POMT2: variants seen among roughly 807,000 people sequenced by gnomAD.
POMT2 encodes the protein protein O-mannosyl-transferase 2.
POMT2 carries 75 observed loss-of-function variants against 100.0 expected under a neutral mutation model. That is an observed-to-expected ratio of 0.75 (90% CI 0.62 to 0.91). The LOEUF is 0.91. POMT2 is among the 40% of genes least tolerant of loss of function. The probability of loss-of-function intolerance (pLI) is 0.00; values close to 1 mark genes in which losing one functional copy is unlikely to be tolerated. For missense variants in POMT2, 940 were observed against 955.1 expected, an observed-to-expected ratio of 0.98 and a Z score of 0.21; for synonymous variants, 378 against 374.1, an observed-to-expected ratio of 1.01 and a Z score of -0.12.
intron 2 of POMT2, among the ~76,000 whole-genome samples, chr14:77,311,026 G>A (rs541876287): frequency 8.5e-5 from 13 of 152,322 alleles, no homozygotes; most frequent in African/African-American, 2.9e-4. Flanking sequence ...CCAGCTACTT[G>A]GGAGGCTGAA....
chr14:77,285,451 G>C (rs781448107), intron 13 of POMT2, 30 bp downstream of exon 13: 3 of 1,613,762 alleles, frequency 1.9e-6, no homozygotes, highest in Non-Finnish European at 2.5e-6. Flanking sequence ...CAGGACCCTC[G>C]ATTGGGACAG....
At position 77,280,104 on chromosome 14, in the gene POMT2, T is replaced by C. The variant is rs746168624; in HGVS notation, c.1726-24A>G. On this transcript the variant is annotated intron_variant, in intron 16 of 20. Coordinates refer to ENST00000261534, the MANE Select transcript of POMT2 (RefSeq NM_013382.7). ...CCCTGTGGAATAGAGACCACCCTGC[T>C]GACCCAGGCCCAGCCCATCCTCGGC... The C allele has an allele frequency of 7.6e-5, 123 of 1,613,584 alleles. 1 individual carries two copies. The highest frequency in any genetic ancestry group is 1.0e-4 in the Non-Finnish European group (121 of 1,180,018).
At chr14:77,305,840 CTCTT>C (rs1301969855) in intron 3 of POMT2, among the ~76,000 whole-genome samples, 1 of 152,234 alleles carries the variant, frequency 6.6e-6, no homozygotes, top group Admixed American at 6.5e-5. Flanking sequence ...GGCTGGAAAA[CTCTT>C]TCTGTGTGCC....
chr14:77,286,098 A>G (rs1241553704), intron 12 of POMT2, among the ~76,000 whole-genome samples: 1 of 152,228 alleles, frequency 6.6e-6, no homozygotes, highest in Non-Finnish European at 1.5e-5. Context: ...TTCTTCTCAG[A>G]AGATGCCCAC....
intron 15 of POMT2, among the ~76,000 whole-genome samples, chr14:77,281,317 C>T (rs1274890434): frequency 6.6e-6 from 1 of 152,072 alleles, no homozygotes; most frequent in Non-Finnish European, 1.5e-5. Context: ...AAACACACTC[C>T]ATGACATTTT....
intron 3 of POMT2, among the ~76,000 whole-genome samples, chr14:77,305,954 C>T (rs1470866133): frequency 6.6e-6 from 1 of 152,222 alleles, no homozygotes; most frequent in Admixed American, 6.5e-5. Context: ...ACTCCAGCAG[C>T]TGTGGCTGTG....
chr14:77,280,290 C>CCT (rs1890168360), intron 16 of POMT2, 102 bp downstream of exon 16: 1 of 1,578,046 alleles, frequency 6.3e-7, no homozygotes, highest in Admixed American at 1.8e-5. Flanking sequence ...CCAGGAGGCC[C>CCT]CTCGCCCTGC....
chr14:77,281,095 A>T (rs916196590), intron 15 of POMT2, among the ~76,000 whole-genome samples: 2 of 144,776 alleles, frequency 1.4e-5, no homozygotes, highest in East Asian at 2.1e-4. Flanking sequence ...ACTCAGTCTC[A>T]AAATAAATAA....
chr14:77,316,566 TAAA>T (rs60771363), intron 1 of POMT2, among the ~76,000 whole-genome samples: 3 of 77,580 alleles, frequency 3.9e-5, no homozygotes, highest in Admixed American at 1.6e-4. Flanking sequence ...ATCTCATCTC[TAAA>T]AAAAAAAAAA....
chr14:77,313,392 G>A, intron 1 of POMT2, among the ~76,000 whole-genome samples: 1 of 152,226 alleles, frequency 6.6e-6, no homozygotes, highest in Non-Finnish European at 1.5e-5. Flanking sequence ...TAATGAAACT[G>A]ATTTGCAGAA....
chr14:77,309,121 A>G (rs1409575564), intron 2 of POMT2, among the ~76,000 whole-genome samples: 2 of 152,262 alleles, frequency 1.3e-5, no homozygotes, highest in Non-Finnish European at 2.9e-5. Context: ...AATTGTGTGT[A>G]TATATAATGT....
rs370887187 is a variant in POMT2, at chr14:77,306,341, C to G, written c.434G>C (p.Arg145Thr). The G allele has an allele frequency of 5.6e-6, 9 of 1,612,468 alleles. No individual in the cohort carries two copies. Among genetic ancestry groups the G allele is most frequent in the Non-Finnish European group, 7.6e-6 (9 of 1,178,662 alleles). Residue 145 changes from arginine (R) to threonine (T), a missense_variant, in exon 3 of 21, where the codon AGA becomes ACA. Transcript: ENST00000261534. ...KYEHHSYMGM[R>T]GFCAFLGSWL... Reference sequence around the variant, plus strand: ...TTTCAAGTCAGGAAGCCTTACTCCTCTCATTCCCATGTAGCTGTGATGCTC... The same window carrying G: ...TTTCAAGTCAGGAAGCCTTACTCCTGTCATTCCCATGTAGCTGTGATGCTC...
At chr14:77,289,182 G>C (rs1213197721) in intron 10 of POMT2, among the ~76,000 whole-genome samples, 1 of 151,928 alleles carries the variant, frequency 6.6e-6, no homozygotes, top group Non-Finnish European at 1.5e-5. Flanking sequence ...CCTGAGGCCA[G>C]GAATTCGAGA....
rs552667927 is a variant in POMT2 at position 77,275,329 on chromosome 14, G to C, written c.*2047C>G. The C allele has an allele frequency of 6.6e-6, 1 of 152,210 alleles. No homozygotes were observed. Among genetic ancestry groups the C allele is most frequent in the Non-Finnish European group, 1.5e-5 (1 of 68,060 alleles). 9.4% of individuals were successfully genotyped at this position (152,210 alleles called of 1,614,324 possible). A position where few individuals can be genotyped will look rare whatever the true frequency, so the allele number is the denominator to read the frequency against. ...GCAGTGGGAGCCCAGGGAAGCGTTC[G>C]GCCCCAGTGCAGCCTAATTGGGAGG... On this transcript the variant is annotated 3_prime_UTR_variant, in exon 21 of 21. Coordinates refer to ENST00000261534, the MANE Select transcript of POMT2 (RefSeq NM_013382.7).
chr14:77,316,981 T>C (rs777646926), intron 1 of POMT2, among the ~76,000 whole-genome samples: 1 of 152,204 alleles, frequency 6.6e-6, no homozygotes, highest in Non-Finnish European at 1.5e-5. Context: ...TAAGGGCAGG[T>C]ACTCTCGTAA....
chr14:77,292,943 T>C (rs1364646940), intron 9 of POMT2, among the ~76,000 whole-genome samples: 1 of 152,204 alleles, frequency 6.6e-6, no homozygotes, highest in Non-Finnish European at 1.5e-5. Flanking sequence ...TCAAATCACC[T>C]AATGACCTGT....
rs1200964688 is a variant in POMT2 at position 77,320,458 on chromosome 14, C to T, written c.224G>A (p.Arg75His). The change falls in exon 1 of 21, where the codon CGC (arginine) becomes CAC (histidine). Residue 75 changes from arginine to histidine, a missense_variant. By Grantham distance (29) the Arg-to-His change is conservative (BLOSUM62 0). Coordinates refer to ENST00000261534, the MANE Select transcript of POMT2 (RefSeq NM_013382.7). Reference protein sequence around the residue: ...TLLSFATRFHRLDEPPHICWD... With the variant: ...TLLSFATRFHHLDEPPHICWD... Reference sequence around the variant, plus strand: ...CCAGATGTGCGGCGGCTCGTCCAAGCGGTGGAAGCGGGTGGCGAAGGACAG... The same window carrying T: ...CCAGATGTGCGGCGGCTCGTCCAAGTGGTGGAAGCGGGTGGCGAAGGACAG... 3.9e-6 allele frequency: 6 copies of T among 1,545,992 alleles called. No homozygotes were observed. Among genetic ancestry groups the T allele is most frequent in the Admixed American group, 3.9e-5 (2 of 51,062 alleles).
chr14:77,278,692 C>T (rs1165861872), intron 19 of POMT2, 37 bp downstream of exon 19: 2 of 1,613,152 alleles, frequency 1.2e-6, no homozygotes, highest in Non-Finnish European at 1.7e-6. Flanking sequence ...CGCCCTCCAC[C>T]TGCTCTGTCT....
Position 77,301,252 on chromosome 14 carries a change from G to GA in POMT2, c.657-4dup, listed in dbSNP as rs777481709. On this transcript the variant is annotated splice_polypyrimidine_tract_variant and splice_region_variant and intron_variant, in intron 5 of 20. Coordinates refer to ENST00000261534, the MANE Select transcript of POMT2 (RefSeq NM_013382.7). ...ACCACCAGGGGGCAGAGAAGGGCCT[G>GA]AAAATCAACAAGACGGAGTTCAATT... The GA allele has an allele frequency of 4.3e-6, 7 of 1,614,146 alleles. No individual in the cohort carries two copies. In the Admixed American group the frequency reaches 1.0e-4, roughly 23 times the overall value.
Sources: allele counts gnomAD v4.1 joint callset (sites outside exome capture counted in the v4.1 genomes callset), GRCh38; gene constraint gnomAD v4.1.1; transcripts MANE v1.5; gene names NCBI Gene and HGNC (gene_info 2026-07-23, HGNC 2026-07-21).